The following PPP1R9A variants were observed in gnomAD, a reference collection of about 807,000 sequenced individuals.
PPP1R9A encodes the protein protein phosphatase 1 regulatory subunit 9A.
Under a neutral mutation model 141.9 loss-of-function variants are expected in PPP1R9A, and 59 were observed. The observed-to-expected ratio is 0.42, with a 90% CI of 0.34 to 0.52. PPP1R9A has a LOEUF of 0.52. PPP1R9A is among the 20% of genes least tolerant of loss of function. PPP1R9A has a pLI of 0.10. For missense variants in PPP1R9A, 1,444 were observed against 1,611.9 expected (o/e 0.90, Z 1.78); for synonymous variants, 500 against 569.7 (o/e 0.88, Z 1.74).
At chr7:95,129,357 C>T (rs534103423) in intron 4 of PPP1R9A, among the ~76,000 whole-genome samples, 1 of 152,306 alleles carries the variant, frequency 6.6e-6, no homozygotes, top group East Asian at 1.9e-4. Flanking sequence ...TCTGCACAAG[C>T]TCTTCTCTTG....
chr7:95,074,292 A>G (rs1400694175), intron 2 of PPP1R9A, among the ~76,000 whole-genome samples: 1 of 152,136 alleles, frequency 6.6e-6, no homozygotes, highest in Non-Finnish European at 1.5e-5. Flanking sequence ...TAATATTACT[A>G]TAATTTATTG....
intron 5 of PPP1R9A, among the ~76,000 whole-genome samples, chr7:95,189,462 A>T (rs960176130): frequency 9.4e-6 from 1 of 106,280 alleles, no homozygotes; most frequent in South Asian, 2.9e-4. Flanking sequence ...TTTGAGACGG[A>T]GTCTCGCTCT....
intron 7 of PPP1R9A, among the ~76,000 whole-genome samples, chr7:95,214,616 A>C (rs914062950): frequency 6.6e-6 from 1 of 152,034 alleles, no homozygotes; most frequent in African/African-American, 2.4e-5. Flanking sequence ...GTGGGAAGGG[A>C]TTATACAAGG....
At chr7:95,277,013 G>C (rs1319707764) in intron 16 of PPP1R9A, among the ~76,000 whole-genome samples, 1 of 152,136 alleles carries the variant, frequency 6.6e-6, no homozygotes, top group Non-Finnish European at 1.5e-5. Flanking sequence ...TCAGCTGCAG[G>C]GTCGCACTAT....
chr7:95,145,850 A>G (rs1166628317), intron 4 of PPP1R9A, among the ~76,000 whole-genome samples: 1 of 152,228 alleles, frequency 6.6e-6, no homozygotes, highest in Non-Finnish European at 1.5e-5. Context: ...GTATGGCTGC[A>G]TAGTAATCCA....
At chr7:94,945,022 T>C (rs556628007) in intron 2 of PPP1R9A, among the ~76,000 whole-genome samples, 1 of 152,208 alleles carries the variant, frequency 6.6e-6, no homozygotes, top group East Asian at 1.9e-4. Flanking sequence ...TAAGGATCTA[T>C]TGATTACCTT....
chr7:95,250,020 C>T lies in PPP1R9A; in HGVS notation c.2167-6C>T. 1.3e-6 allele frequency: 2 copies of T among 1,589,392 alleles called. No homozygotes were observed. The highest frequency in any genetic ancestry group is 8.5e-7 in the Non-Finnish European group (1 of 1,170,212). Reference sequence around the variant, plus strand: ...TTATCTTTGCCTTGACGTTTGCTTTCTCCAGCTGCAGGCAGCAGAAAATGA... The same window carrying T: ...TTATCTTTGCCTTGACGTTTGCTTTTTCCAGCTGCAGGCAGCAGAAAATGA... On this transcript the variant is annotated splice_polypyrimidine_tract_variant and splice_region_variant and intron_variant, in intron 9 of 19. Coordinates refer to ENST00000433360, the MANE Select transcript of PPP1R9A (RefSeq NM_001166160.2).
intron 4 of PPP1R9A, among the ~76,000 whole-genome samples, chr7:95,152,401 T>C (rs1410435680): frequency 6.6e-6 from 1 of 152,228 alleles, no homozygotes; most frequent in Non-Finnish European, 1.5e-5. Flanking sequence ...CATTCTTCTT[T>C]CTAATTTATA....
At chr7:95,080,902 A>G (rs995383541) in intron 2 of PPP1R9A, among the ~76,000 whole-genome samples, 3 of 152,240 alleles carry the variant, frequency 2.0e-5, no homozygotes, top group Non-Finnish European at 2.9e-5. Context: ...AGAAATGTCC[A>G]GATGACTTGC....
chr7:94,944,591 G>GC (rs1428277415), intron 2 of PPP1R9A, among the ~76,000 whole-genome samples: 1 of 151,876 alleles, frequency 6.6e-6, no homozygotes, highest in Non-Finnish European at 1.5e-5. Flanking sequence ...CTGACTAAAA[G>GC]CAGAGTGATG....
intron 2 of PPP1R9A, among the ~76,000 whole-genome samples, chr7:95,048,576 T>G (rs1810357250): frequency 6.6e-6 from 1 of 152,010 alleles, no homozygotes; most frequent in African/African-American, 2.4e-5. Flanking sequence ...AGAGTCTCAT[T>G]CTGTTGCCCA....
chr7:95,052,505 A>G (rs1810962630), intron 2 of PPP1R9A, among the ~76,000 whole-genome samples: 1 of 152,196 alleles, frequency 6.6e-6, no homozygotes, highest in Non-Finnish European at 1.5e-5. Flanking sequence ...CTTCAAGATA[A>G]GAAATACAAG....
At chr7:95,010,236 G>GATA (rs907984302) in intron 2 of PPP1R9A, among the ~76,000 whole-genome samples, 11 of 151,958 alleles carry the variant, frequency 7.2e-5, no homozygotes, top group South Asian at 4.2e-4. Context: ...TACAAATAAT[G>GATA]ATAATAATAA....
chr7:95,146,194 TA>T (rs767935969), intron 4 of PPP1R9A, among the ~76,000 whole-genome samples: 26 of 152,254 alleles, frequency 1.7e-4, no homozygotes, highest in Non-Finnish European at 1.6e-4. Context: ...TTGCCATTCT[TA>T]CTGGCGTGAG....
At chr7:95,001,614 T>TGAAACAC (rs1396066666) in intron 2 of PPP1R9A, among the ~76,000 whole-genome samples, 2 of 152,198 alleles carry the variant, frequency 1.3e-5, no homozygotes, top group Non-Finnish European at 2.9e-5. Flanking sequence ...CAAGCCCAGT[T>TGAAACAC]GAAACACAAA....
At chr7:95,083,428 C>T (rs1029506917) in intron 2 of PPP1R9A, among the ~76,000 whole-genome samples, 19 of 152,022 alleles carry the variant, frequency 1.2e-4, no homozygotes, top group Non-Finnish European at 2.8e-4. Context: ...GTCTTATGGC[C>T]TGTTTCAGGG....
At chr7:94,982,274 A>T (rs149356235) in intron 2 of PPP1R9A, among the ~76,000 whole-genome samples, 4,458 of 152,194 alleles carry the variant, frequency 0.029, 206 homozygotes, top group African/African-American at 0.1. Context: ...GAATAGTGCC[A>T]CAGTAAACAT....
At chr7:95,031,515 G>T (rs1157563990) in intron 2 of PPP1R9A, among the ~76,000 whole-genome samples, 2 of 152,122 alleles carry the variant, frequency 1.3e-5, no homozygotes, top group Admixed American at 6.6e-5. Context: ...AGTACTTTAG[G>T]AGTTTCAGGT....
chr7:95,185,378 A>ATTTTTTTTTTTTTTTTTTTTT (rs147366122), intron 5 of PPP1R9A, among the ~76,000 whole-genome samples: 10 of 148,806 alleles, frequency 6.7e-5, no homozygotes, highest in African/African-American at 1.5e-4. Context: ...TTTTTATGGG[A>ATTTTTTTTTTTTTTTTTTTTT]TTTTTTTTTT....
Sources: allele counts gnomAD v4.1 joint callset (sites outside exome capture counted in the v4.1 genomes callset), GRCh38; gene constraint gnomAD v4.1.1; transcripts MANE v1.5; gene names NCBI Gene and HGNC (gene_info 2026-07-23, HGNC 2026-07-21).